SPAG9: variants seen among roughly 807,000 people sequenced by gnomAD.
SPAG9 encodes sperm associated antigen 9.
A neutral mutation model predicts 166.5 loss-of-function variants in SPAG9; 35 were observed. That is an observed-to-expected ratio of 0.21 (90% CI 0.16 to 0.28). SPAG9 has a LOEUF of 0.28. SPAG9 is among the 10% of genes least tolerant of loss of function. The pLI, the probability that SPAG9 is intolerant of heterozygous loss-of-function variation, is 1.00. For synonymous variants in SPAG9, 534 were observed against 565.5 expected (o/e 0.94, Z 0.79); for missense variants, 1,235 against 1,603.3 (o/e 0.77, Z 3.92).
At chr17:51,103,585 C>G (rs1028120447) in intron 1 of SPAG9, among the ~76,000 whole-genome samples, 1 of 152,144 alleles carries the variant, frequency 6.6e-6, no homozygotes, top group Admixed American at 6.6e-5. Context: ...GCAGCCAGAT[C>G]ACAAGGTCTT....
chr17:51,071,701 ATTTC>A (rs1598125490), intron 2 of SPAG9, among the ~76,000 whole-genome samples: 1 of 152,200 alleles, frequency 6.6e-6, no homozygotes, highest in African/African-American at 2.4e-5. Context: ...TTCAGTTCCT[ATTTC>A]TTTACTTTTT....
intron 5 of SPAG9, 47 bp downstream of exon 5, chr17:51,041,454 A>G: frequency 6.4e-7 from 1 of 1,569,928 alleles, no homozygotes; most frequent in Non-Finnish European, 8.7e-7. Flanking sequence ...AGGATAAGAA[A>G]GTTTATGAAA....
rs538132761 is a variant in SPAG9, at chr17:51,097,824, TCTCA to T, written c.304-18124_304-18121del. ...TATTTGTTTGCTTTTTAAGATAGGG[TCTCA>T]CTCTGTTGCCTGGGTTGGAGTGCAG... On this transcript the variant is annotated intron_variant, in intron 1 of 29. Coordinates refer to ENST00000262013, the MANE Select transcript of SPAG9 (RefSeq NM_001130528.3). 1.9e-3 allele frequency among the ~76,000 whole-genome samples: 283 copies of T among 152,158 alleles called. 1 individual carries two copies. Among genetic ancestry groups the T allele is most frequent in the Non-Finnish European group, 3.7e-3 (249 of 68,000 alleles).
chr17:51,029,858 A>G (rs2046322241), intron 6 of SPAG9, among the ~76,000 whole-genome samples: 1 of 152,224 alleles, frequency 6.6e-6, no homozygotes, highest in Non-Finnish European at 1.5e-5. Flanking sequence ...ATGAATATAC[A>G]TAACACTATT....
At chr17:50,967,430 G>A (rs1973443473) in intron 29 of SPAG9, among the ~76,000 whole-genome samples, 1 of 152,146 alleles carries the variant, frequency 6.6e-6, no homozygotes, top group African/African-American at 2.4e-5. Context: ...ATTTTTCTCT[G>A]CAGGCCAAAC....
At chr17:51,049,724 G>A (rs545711045) in intron 3 of SPAG9, among the ~76,000 whole-genome samples, 1 of 152,030 alleles carries the variant, frequency 6.6e-6, no homozygotes, top group Non-Finnish European at 1.5e-5. Context: ...TGCCTCCCAA[G>A]TAGCTGGGTA....
rs1280218815 is a variant in SPAG9 at position 51,109,514 on chromosome 17, C to T, written c.303+10840G>A. ...CCTTCCAAAGTGCTGGGATTACAGG[C>T]GTGAGCCACTGCGTCCGGCCTCAAA... On this transcript the variant is annotated intron_variant, in intron 1 of 29. Coordinates refer to ENST00000262013, the MANE Select transcript of SPAG9 (RefSeq NM_001130528.3). Among the ~76,000 whole-genome samples, 6 of 152,216 alleles carry T rather than the reference C, an allele frequency of 3.9e-5. No homozygotes were observed. The East Asian group carries it at 5.8e-4, about 15-fold the overall frequency.
intron 1 of SPAG9, among the ~76,000 whole-genome samples, chr17:51,100,283 T>C (rs2048772430): frequency 6.6e-6 from 1 of 151,970 alleles, no homozygotes; most frequent in Admixed American, 6.6e-5. Context: ...ACTGAATTCC[T>C]ATCCCAAGAT....
intron 6 of SPAG9, among the ~76,000 whole-genome samples, chr17:51,028,716 CA>C (rs1255738086): frequency 6.6e-6 from 1 of 152,170 alleles, no homozygotes; most frequent in African/African-American, 2.4e-5. Context: ...TGTATGCAAA[CA>C]AGGGAAAATT....
chr17:51,119,030 T>G (rs1598214992), intron 1 of SPAG9, among the ~76,000 whole-genome samples: 1 of 74,712 alleles, frequency 1.3e-5, no homozygotes, highest in East Asian at 3.3e-4. Context: ...TGAGACTACG[T>G]CTCAAAAAAA....
rs1409617972 is a variant in SPAG9 at position 51,031,739 on chromosome 17, T to C, written c.742-17A>G. 2.6e-6 allele frequency: 4 copies of C among 1,546,742 alleles called. No individual in the cohort carries two copies. The highest frequency in any genetic ancestry group is 2.0e-5 in the Admixed American group (1 of 50,918). ...ATTGCTGACCTAGGAAGAGGGAAGA[T>C]TATAAAAGAGAAAAAAATTATGTGT... On this transcript the variant is annotated splice_polypyrimidine_tract_variant and intron_variant, in intron 5 of 29. Coordinates refer to ENST00000262013, the MANE Select transcript of SPAG9 (RefSeq NM_001130528.3).
At position 51,005,956 on chromosome 17, in the gene SPAG9, C is replaced by T. The variant is rs149561258; in HGVS notation, c.1424+129G>A. Reference sequence around the variant, plus strand: ...AGGCAATGGGCTGGGGCACTTTGCCCTCTCCCAGGCAGCTCTTGGCCTTCC... The same window carrying T: ...AGGCAATGGGCTGGGGCACTTTGCCTTCTCCCAGGCAGCTCTTGGCCTTCC... On this transcript the variant is annotated intron_variant, in intron 11 of 29. Transcript: ENST00000262013. 70 of 1,002,140 alleles carry T rather than the reference C, an allele frequency of 7.0e-5. No individual in the cohort carries two copies. In the African/African-American group the frequency reaches 1.0e-3, roughly 14 times the overall value. The allele number at this position is 1,002,140 out of a possible 1,614,324, so 62.1% of individuals were successfully genotyped here.
At chr17:51,051,033 T>TAAA (rs566199371) in intron 3 of SPAG9, among the ~76,000 whole-genome samples, 420 of 110,310 alleles carry the variant, frequency 3.8e-3, no homozygotes, top group Non-Finnish European at 5.8e-3. Context: ...AATTTAAAAA[T>TAAA]AAAAAAAAAA....
intron 5 of SPAG9, among the ~76,000 whole-genome samples, chr17:51,035,947 T>C (rs2046568952): frequency 6.6e-6 from 1 of 152,216 alleles, no homozygotes; most frequent in African/African-American, 2.4e-5. Flanking sequence ...TTTCTAGGCC[T>C]TGGATGGTTA....
chr17:51,119,009 G>A (rs942696742), intron 1 of SPAG9, among the ~76,000 whole-genome samples: 2 of 147,020 alleles, frequency 1.4e-5, no homozygotes, highest in African/African-American at 5.0e-5. Flanking sequence ...ACTTCACCCT[G>A]GGCGACAGAG....
chr17:51,029,464 G>A (rs1458024993), intron 6 of SPAG9, among the ~76,000 whole-genome samples: 1 of 152,186 alleles, frequency 6.6e-6, no homozygotes, highest in African/African-American at 2.4e-5. Flanking sequence ...TTCTGGGTAT[G>A]TATTCACAAA....
Position 50,965,968 on chromosome 17 carries a change from T to C in SPAG9, c.*304A>G, listed in dbSNP as rs148040600. The C allele has an allele frequency of 1.8e-3, 521 of 285,020 alleles. 2 individuals carry two copies. Among genetic ancestry groups the C allele is most frequent in the African/African-American group, 0.011 (496 of 47,034 alleles). 17.7% of individuals were successfully genotyped at this position (285,020 alleles called of 1,614,324 possible). A position where few individuals can be genotyped will look rare whatever the true frequency, so the allele number is the denominator to read the frequency against. On this transcript the variant is annotated 3_prime_UTR_variant, in exon 30 of 30. Transcript: ENST00000262013. Reference sequence around the variant, plus strand: ...CCCCATCAAATGAAGTGAATGACATTAGACTGTGGCAGAGTAAACCACATC... The same window carrying C: ...CCCCATCAAATGAAGTGAATGACATCAGACTGTGGCAGAGTAAACCACATC...
intron 19 of SPAG9, among the ~76,000 whole-genome samples, chr17:50,991,518 T>C (rs915141153): frequency 5.3e-5 from 8 of 152,026 alleles, no homozygotes; most frequent in Non-Finnish European, 8.8e-5. Context: ...AAATAATATA[T>C]ATATAAACAA....
At chr17:51,092,969 T>C (rs1285180853) in intron 1 of SPAG9, among the ~76,000 whole-genome samples, 1 of 151,188 alleles carries the variant, frequency 6.6e-6, no homozygotes, top group Non-Finnish European at 1.5e-5. Flanking sequence ...AGAAAAAATA[T>C]TGGCATTTTG....
Sources: gnomAD v4.1 joint callset for allele counts (sites outside exome capture counted in the v4.1 genomes callset) on GRCh38, gnomAD v4.1.1 for gene constraint, MANE v1.5 for transcripts, NCBI Gene and HGNC (gene_info 2026-07-23, HGNC 2026-07-21) for gene names.